The following KDM2A variants were observed in gnomAD, a reference collection of about 807,000 sequenced individuals.
KDM2A encodes the protein lysine demethylase 2A.
In KDM2A, 3 loss-of-function variants were observed where a neutral mutation model predicts 137.3. The ratio of observed to expected loss-of-function variants is 0.02; its 90% CI spans 0.01 to 0.06. The LOEUF is 0.06. Among genes scored for constraint, KDM2A ranks in the 10% least tolerant of loss-of-function variants. The probability of loss-of-function intolerance (pLI) is 1.00; values close to 1 mark genes in which losing one functional copy is unlikely to be tolerated. For missense variants in KDM2A, 738 were observed against 1,510.6 expected, an observed-to-expected ratio of 0.49 and a Z score of 8.48; for synonymous variants, 512 against 541.5, an observed-to-expected ratio of 0.95 and a Z score of 0.76.
At chr11:67,157,904 A>T (rs1242358369) in intron 2 of KDM2A, among the ~76,000 whole-genome samples, 1 of 152,182 alleles carries the variant, frequency 6.6e-6, no homozygotes, top group Non-Finnish European at 1.5e-5. Flanking sequence ...AGCCTGGGCA[A>T]CATAGTGAGA....
chr11:67,187,092 T>C (rs1182908374), intron 5 of KDM2A, among the ~76,000 whole-genome samples: 1 of 152,106 alleles, frequency 6.6e-6, no homozygotes, highest in East Asian at 1.9e-4. Context: ...AAAAATAGAA[T>C]TTAACTTCAG....
chr11:67,169,100 C>T (rs1342745520), intron 2 of KDM2A, among the ~76,000 whole-genome samples: 2 of 151,428 alleles, frequency 1.3e-5, no homozygotes, highest in Non-Finnish European at 2.9e-5. Context: ...GGATCACAGG[C>T]GCCTGCCACC....
At chr11:67,231,347 C>CT (rs1386397389) in intron 11 of KDM2A, among the ~76,000 whole-genome samples, 2 of 152,118 alleles carry the variant, frequency 1.3e-5, no homozygotes, top group Non-Finnish European at 2.9e-5. Flanking sequence ...ATCCAATTGA[C>CT]TATTACCTAG....
At chr11:67,126,191 A>G (rs1339972058) in intron 2 of KDM2A, among the ~76,000 whole-genome samples, 1 of 150,750 alleles carries the variant, frequency 6.6e-6, no homozygotes, top group East Asian at 1.9e-4. Flanking sequence ...GGTTGTGCTG[A>G]GCTGAGATCA....
At chr11:67,131,390 G>A (rs746514449) in intron 2 of KDM2A, among the ~76,000 whole-genome samples, 1 of 151,448 alleles carries the variant, frequency 6.6e-6, no homozygotes, top group East Asian at 1.9e-4. Context: ...TCTCTTTTGA[G>A]GCTACTTTAG....
chr11:67,208,682 A>G (rs1857886823), intron 6 of KDM2A, among the ~76,000 whole-genome samples: 1 of 150,340 alleles, frequency 6.7e-6, no homozygotes, highest in Non-Finnish European at 1.5e-5. Flanking sequence ...GAGGCATGAG[A>G]ATCGCTTGAA....
At chr11:67,174,718 T>G (rs1856943469) in intron 2 of KDM2A, among the ~76,000 whole-genome samples, 1 of 152,254 alleles carries the variant, frequency 6.6e-6, no homozygotes, top group African/African-American at 2.4e-5. Flanking sequence ...ACATTTAAAA[T>G]TCTTCATATT....
chr11:67,153,612 T>G (rs1856446993), intron 2 of KDM2A, among the ~76,000 whole-genome samples: 1 of 152,062 alleles, frequency 6.6e-6, no homozygotes, highest in South Asian at 2.1e-4. Flanking sequence ...TCGGAAGGAT[T>G]ATTTCAGACC....
At chr11:67,210,305 TG>T (rs1019416523) in intron 6 of KDM2A, among the ~76,000 whole-genome samples, 1 of 151,392 alleles carries the variant, frequency 6.6e-6, no homozygotes, top group Non-Finnish European at 1.5e-5. Context: ...GAGACCAGTC[TG>T]GGCAACATAA....
chr11:67,160,322 C>T (rs1460513333), intron 2 of KDM2A, among the ~76,000 whole-genome samples: 4 of 152,156 alleles, frequency 2.6e-5, no homozygotes, highest in African/African-American at 9.7e-5. Context: ...GCTGGCCTGC[C>T]TTTGCCGGTT....
chr11:67,218,080 A>G (rs140900090), intron 9 of KDM2A, among the ~76,000 whole-genome samples, 196 bp downstream of exon 9: 1 of 152,320 alleles, frequency 6.6e-6, no homozygotes, highest in Non-Finnish European at 1.5e-5. Flanking sequence ...GTTTTCCAAT[A>G]AAGTATATGA....
chr11:67,241,221 A>G lies in KDM2A; in HGVS notation c.1480-1788A>G, dbSNP rs73503911. ...TGAATGGACCTGAATTTTTCACCCTAGGGAGATTAGGAGCCCATACCAGAG... is the reference window on the plus strand; with the variant it reads ...TGAATGGACCTGAATTTTTCACCCTGGGGAGATTAGGAGCCCATACCAGAG... On this transcript the variant is annotated intron_variant, in intron 12 of 20. Coordinates refer to ENST00000529006, the MANE Select transcript of KDM2A (RefSeq NM_012308.3). Among the ~76,000 whole-genome samples the G allele has an allele frequency of 3.9e-3, 599 of 152,236 alleles. 4 individuals carry two copies. The highest frequency in any genetic ancestry group is 0.014 in the African/African-American group (570 of 41,538).
intron 11 of KDM2A, among the ~76,000 whole-genome samples, chr11:67,231,080 C>A (rs1375389821): frequency 6.6e-6 from 1 of 152,044 alleles, no homozygotes; most frequent in Non-Finnish European, 1.5e-5. Flanking sequence ...CCTCACCCTC[C>A]CTAGTATCTG....
intron 5 of KDM2A, among the ~76,000 whole-genome samples, chr11:67,192,205 C>G (rs1224321724): frequency 6.6e-6 from 1 of 152,138 alleles, no homozygotes; most frequent in South Asian, 2.1e-4. Flanking sequence ...CCTTCCTCCT[C>G]TCTCCAGAGA....
chr11:67,254,162 A>T lies in KDM2A; in HGVS notation c.3092-41A>T. ...CTGGAGCCTTGAAGCTGGATTAGAG[A>T]ATTGAGAGTTTTGATCTAGGCTCTT... On this transcript the variant is annotated intron_variant, in intron 19 of 20. Transcript: ENST00000529006. The surrounding 1 kb of genome is among the most constrained non-coding windows in gnomAD (Gnocchi z 4.7). The T allele has an allele frequency of 6.4e-7, 1 of 1,564,436 alleles. No individual in the cohort carries two copies. Among genetic ancestry groups the T allele is most frequent in the Non-Finnish European group, 8.7e-7 (1 of 1,144,788 alleles).
chr11:67,173,426 T>G (rs2136328428), intron 2 of KDM2A, among the ~76,000 whole-genome samples: 1 of 152,176 alleles, frequency 6.6e-6, no homozygotes, highest in Admixed American at 6.5e-5. Flanking sequence ...TTGGCCTAAT[T>G]TTTGTATTTT....
At chr11:67,127,790 C>T (rs1044697275) in intron 2 of KDM2A, among the ~76,000 whole-genome samples, 4 of 152,094 alleles carry the variant, frequency 2.6e-5, no homozygotes, top group Admixed American at 6.6e-5. Context: ...TCACCGCAAC[C>T]TCCCTCTCCT....
intron 10 of KDM2A, among the ~76,000 whole-genome samples, chr11:67,223,873 G>A (rs1858447918): frequency 6.6e-6 from 1 of 152,072 alleles, no homozygotes; most frequent in Non-Finnish European, 1.5e-5. Flanking sequence ...TAATTTTGAG[G>A]GACCAAATAC....
chr11:67,152,999 T>TG (rs1856430151), intron 2 of KDM2A, among the ~76,000 whole-genome samples: 1 of 151,642 alleles, frequency 6.6e-6, no homozygotes, highest in Non-Finnish European at 1.5e-5. Flanking sequence ...CTTTTTTTTT[T>TG]TGGAGACTGC....
Sources: allele counts gnomAD v4.1 joint callset (sites outside exome capture counted in the v4.1 genomes callset), GRCh38; gene constraint gnomAD v4.1.1; non-coding constraint Gnocchi (gnomAD v3.1); transcripts MANE v1.5; gene names NCBI Gene and HGNC (gene_info 2026-07-23, HGNC 2026-07-21).